LAMA2: variants seen among roughly 807,000 people sequenced by gnomAD.
The protein encoded by LAMA2 is laminin subunit alpha-2.
In LAMA2, 269 loss-of-function variants were observed where a neutral mutation model predicts 364.8. The observed-to-expected ratio is 0.74, with a 90% CI of 0.67 to 0.82. The LOEUF (loss-of-function observed/expected upper bound fraction) is 0.82. Ranked by LOEUF, LAMA2 falls within the 40% of genes least tolerant of loss-of-function variation. LAMA2 has a pLI of 0.00. For synonymous variants in LAMA2, 1,379 were observed against 1,370.6 expected, an observed-to-expected ratio of 1.01 and a Z score of -0.14; for missense variants, 3,807 against 3,873.2, an observed-to-expected ratio of 0.98 and a Z score of 0.45.
rs780154697 is a variant in LAMA2, at chr6:129,315,773, T to G, written c.3747T>G (p.Tyr1249Ter). The G allele has an allele frequency of 1.2e-6, 2 of 1,614,088 alleles. No individual in the cohort carries two copies. The highest frequency in any genetic ancestry group is 4.5e-5 in the East Asian group (2 of 44,878). ...EQFEGKKLMA[Y>*]GGKLKYAIYF... Reference sequence around the variant, plus strand: ...TTTTATTTTGTCAGTTGATGGCCTATGGGGGCAAACTCAAGTATGCAATCT... The same window carrying G: ...TTTTATTTTGTCAGTTGATGGCCTAGGGGGGCAAACTCAAGTATGCAATCT... The change falls in exon 26 of 65, where the codon TAT (tyrosine) becomes TAG (stop). Residue 1249 changes from tyrosine to a stop codon, truncating the protein, a stop_gained. Coordinates refer to ENST00000421865, the MANE Select transcript of LAMA2 (RefSeq NM_000426.4). LOFTEE classifies it high-confidence loss of function.
intron 40 of LAMA2, among the ~76,000 whole-genome samples, chr6:129,417,721 C>T (rs1780871906): frequency 1.3e-5 from 2 of 152,136 alleles, no homozygotes; most frequent in Non-Finnish European, 2.9e-5. Flanking sequence ...CCCTCAACTC[C>T]CCCTTGGCCT....
chr6:129,507,785 C>G, intron 62 of LAMA2, 143 bp downstream of exon 62: 1 of 802,522 alleles, frequency 1.2e-6, no homozygotes, highest in Non-Finnish European at 2.1e-6. Context: ...GAAGTAATTT[C>G]AAAAATGCCT....
At chr6:129,421,678 T>C (rs1781082334) in intron 40 of LAMA2, among the ~76,000 whole-genome samples, 1 of 152,142 alleles carries the variant, frequency 6.6e-6, no homozygotes, top group African/African-American at 2.4e-5. Context: ...TCCCTTATCA[T>C]GTGAAAAGCC....
chr6:129,302,752 T>G (rs1324868498), intron 22 of LAMA2, among the ~76,000 whole-genome samples: 1 of 152,136 alleles, frequency 6.6e-6, no homozygotes, highest in African/African-American at 2.4e-5. Context: ...CTTTGACTCC[T>G]TTGTCAAAAT....
chr6:129,516,465 T>A lies in LAMA2; in HGVS notation c.*118T>A, dbSNP rs1049476. 1.2e-5 allele frequency: 13 copies of A among 1,042,030 alleles called. No homozygotes were observed. The highest frequency in any genetic ancestry group is 1.9e-5 in the Non-Finnish European group (13 of 687,914). The allele number at this position is 1,042,030 out of a possible 1,614,324, so 64.5% of individuals were successfully genotyped here. ...TAATTTGTGCATGTACATAGAATTC[T>A]TTCTGTATTCAGATGGTGCTAATTC... On this transcript the variant is annotated 3_prime_UTR_variant, in exon 65 of 65. Coordinates refer to ENST00000421865, the MANE Select transcript of LAMA2 (RefSeq NM_000426.4).
intron 1 of LAMA2, among the ~76,000 whole-genome samples, chr6:128,921,710 T>A (rs1481382373): frequency 6.8e-6 from 1 of 148,100 alleles, no homozygotes; most frequent in African/African-American, 2.6e-5. Context: ...TTTTTTTTTT[T>A]TTTATTATTA....
chr6:129,335,164 A>T (rs574752902), intron 29 of LAMA2, among the ~76,000 whole-genome samples: 3 of 152,334 alleles, frequency 2.0e-5, no homozygotes, highest in South Asian at 4.1e-4. Flanking sequence ...TACTTGCAAG[A>T]TAATTGTTGC....
rs190422533 is a variant in LAMA2, at chr6:128,884,631, T to C, written c.112+1274T>C. Among the ~76,000 whole-genome samples, 13 of 152,340 alleles carry C rather than the reference T, an allele frequency of 8.5e-5. No individual in the cohort carries two copies. In the East Asian group the frequency reaches 1.5e-3, roughly 18 times the overall value. The stretch of plus-strand genomic sequence containing the variant: ...CCTTGCATTCACTATATAACTTTTT[T>C]CCTTCTATTTTTGCTTTTGCTTCTC... On this transcript the variant is annotated intron_variant, in intron 1 of 64. Coordinates refer to ENST00000421865, the MANE Select transcript of LAMA2 (RefSeq NM_000426.4).
rs554279184 is a variant in LAMA2, at chr6:128,942,095, A to G, written c.112+58738A>G. 4.6e-5 allele frequency among the ~76,000 whole-genome samples: 7 copies of G among 152,330 alleles called. No homozygotes were observed. The South Asian group carries it at 8.3e-4, about 18-fold the overall frequency. Reference sequence around the variant, plus strand: ...AAGCAAACTAAACAACGGAAGCACAAATAGTATGACCTTCTCTTGACTTCT... The same window carrying G: ...AAGCAAACTAAACAACGGAAGCACAGATAGTATGACCTTCTCTTGACTTCT... On this transcript the variant is annotated intron_variant, in intron 1 of 64. Transcript: ENST00000421865.
At position 129,291,638 on chromosome 6, in the gene LAMA2, C is replaced by T. The variant is rs889452322; in HGVS notation, c.2774C>T (p.Ser925Phe). 1 of 1,614,084 alleles carries T rather than the reference C, an allele frequency of 6.2e-7. No individual in the cohort carries two copies. The highest frequency in any genetic ancestry group is 1.7e-5 in the Admixed American group (1 of 60,032). The change falls in exon 20 of 65, where the codon TCT becomes TTT. Residue 925 changes from serine to phenylalanine, a missense_variant. Ser to Phe is a radical substitution (Grantham distance 155). Coordinates refer to ENST00000421865, the MANE Select transcript of LAMA2 (RefSeq NM_000426.4). ...GCCTGTCGCTGTAATGCCGGTGGCT[C>T]TTTCTCTGAGGTTTGCCACAGTCAA... ...CQPCRCNAGG[S>F]FSEVCHSQTG...
At chr6:129,451,624 TG>T (rs945756562) in intron 45 of LAMA2, among the ~76,000 whole-genome samples, 7 of 152,188 alleles carry the variant, frequency 4.6e-5, no homozygotes, top group African/African-American at 1.7e-4. Context: ...AAATGACTTA[TG>T]CGGTCTGTGG....
At chr6:129,253,735 G>A (rs1786428319) in intron 14 of LAMA2, among the ~76,000 whole-genome samples, 1 of 152,178 alleles carries the variant, frequency 6.6e-6, no homozygotes, top group South Asian at 2.1e-4. Context: ...TTTCAGGCTA[G>A]TTAATACAAA....
In LAMA2 at chr6:128,929,900, A is replaced by T. The variant is rs903281578; in HGVS notation, c.112+46543A>T. On this transcript the variant is annotated intron_variant, in intron 1 of 64. Transcript: ENST00000421865. ...ATCAGGTGACAGCTGAGTGTATGGG[A>T]TGTGCAGGTACGCAGCAAGCAGGAG... 7 of 868,302 alleles carry T rather than the reference A, an allele frequency of 8.1e-6. No homozygotes were observed. In the African/African-American group the frequency reaches 1.2e-4, roughly 14 times the overall value. 53.8% of individuals were successfully genotyped at this position (868,302 alleles called of 1,614,324 possible). A position where few individuals can be genotyped will look rare whatever the true frequency, so the allele number is the denominator to read the frequency against.
At chr6:128,930,671 G>A (rs1779417716) in intron 1 of LAMA2, among the ~76,000 whole-genome samples, 1 of 152,120 alleles carries the variant, frequency 6.6e-6, no homozygotes, top group Admixed American at 6.6e-5. Context: ...ATCCTAGCCT[G>A]TCCTGACTGA....
chr6:129,421,056 A>G (rs1583707035), intron 40 of LAMA2, among the ~76,000 whole-genome samples: 1 of 152,270 alleles, frequency 6.6e-6, no homozygotes, highest in East Asian at 1.9e-4. Flanking sequence ...CTATTAATCA[A>G]TGGCAGTATG....
intron 1 of LAMA2, among the ~76,000 whole-genome samples, chr6:129,020,506 G>C (rs1785386424): frequency 6.6e-6 from 1 of 152,288 alleles, no homozygotes; most frequent in South Asian, 2.1e-4. Flanking sequence ...AGGACTTAAA[G>C]TCTCTTAGTA....
chr6:129,168,287 T>C (rs1315218357), intron 9 of LAMA2, among the ~76,000 whole-genome samples: 3 of 150,396 alleles, frequency 2.0e-5, no homozygotes, highest in African/African-American at 7.3e-5. Flanking sequence ...CTAGGGTTTT[T>C]ATGGTTTTAG....
intron 34 of LAMA2, among the ~76,000 whole-genome samples, chr6:129,382,519 G>A (rs1242100307): frequency 6.6e-6 from 1 of 152,150 alleles, no homozygotes; most frequent in Non-Finnish European, 1.5e-5. Flanking sequence ...TGATTAACAA[G>A]CATATTTCTG....
intron 41 of LAMA2, among the ~76,000 whole-genome samples, chr6:129,437,372 G>A (rs1425062879): frequency 6.6e-6 from 1 of 151,954 alleles, no homozygotes; most frequent in East Asian, 1.9e-4. Flanking sequence ...TGAAACTGAA[G>A]AACACTAAAT....
Sources: gnomAD v4.1 joint callset for allele counts (sites outside exome capture counted in the v4.1 genomes callset) on GRCh38, gnomAD v4.1.1 for gene constraint, MANE v1.5 for transcripts, NCBI Gene and HGNC (gene_info 2026-07-23, HGNC 2026-07-21) for gene names.